Variants in HSPG2 observed in about 807,000 individuals in gnomAD.
HSPG2 encodes the protein heparan sulfate proteoglycan 2.
A neutral mutation model predicts 526.6 loss-of-function variants in HSPG2; 278 were observed. The observed-to-expected ratio is 0.53, with a 90% CI of 0.48 to 0.58. The LOEUF (loss-of-function observed/expected upper bound fraction) is 0.58. HSPG2 is among the 20% of genes least tolerant of loss of function. The pLI is 0.00. For synonymous variants in HSPG2, 2,465 were observed against 2,555.4 expected, an observed-to-expected ratio of 0.96 and a Z score of 1.07; for missense variants, 5,354 against 6,099.5, an observed-to-expected ratio of 0.88 and a Z score of 4.07.
rs1394457705 is a variant in HSPG2 at position 21,912,978 on chromosome 1, T to TA, written c.64-16669_64-16668insT. On this transcript the variant is annotated intron_variant, in intron 1 of 96. Transcript: ENST00000374695. The stretch of plus-strand genomic sequence containing the variant: ...CTGGGCGAAAGAGTGAGGCTCTAGC[T>TA]CAAAAAAAAAAAAAAAGCTGGATTA... Among the ~76,000 whole-genome samples the TA allele has an allele frequency of 1.4e-3, 199 of 142,438 alleles. 3 individuals are homozygous for TA. The highest frequency in any genetic ancestry group is 4.8e-3 in the African/African-American group (182 of 38,198). The allele number at this position is 142,438 out of a possible 152,430, so 93.4% of individuals were successfully genotyped here. A position where few individuals can be genotyped will look rare whatever the true frequency, so the allele number is the denominator to read the frequency against.
At chr1:21,922,152 T>C (rs1204081283) in intron 1 of HSPG2, among the ~76,000 whole-genome samples, 1 of 152,228 alleles carries the variant, frequency 6.6e-6, no homozygotes, top group Non-Finnish European at 1.5e-5. Flanking sequence ...AGCTGTAGGC[T>C]ATTTATATGA....
rs2098054760 is a variant in HSPG2 at position 21,842,807 on chromosome 1, C to A, written c.8873G>T (p.Trp2958Leu). Residue 2958 changes from tryptophan (W) to leucine (L), a missense_variant, in exon 67 of 97, where the codon TGG (tryptophan) becomes TTG (leucine). Transcript: ENST00000374695. ...GGGGAGGCTGCCCCCGCGCTTGTAC[C>A]ACGTGACCTGGGCATGGGCCTGCCC... ...VPGQAHAQVT[W>L]YKRGGSLPAR... The A allele has an allele frequency of 3.1e-6, 5 of 1,613,832 alleles. No individual in the cohort carries two copies. The highest frequency in any genetic ancestry group is 4.2e-6 in the Non-Finnish European group (5 of 1,180,032).
chr1:21,822,274 A>C lies in HSPG2; in HGVS notation c.*1042T>G. The C allele has an allele frequency of 6.4e-7, 1 of 1,568,570 alleles. No individual in the cohort carries two copies. The highest frequency in any genetic ancestry group is 2.2e-5 in the East Asian group (1 of 44,628). Reference sequence around the variant, plus strand: ...GGGATAGCACCGTTTATTAAGAAAAATCAAGACAAAGACCACAGGAGGGTC... The same window carrying C: ...GGGATAGCACCGTTTATTAAGAAAACTCAAGACAAAGACCACAGGAGGGTC... On this transcript the variant is annotated 3_prime_UTR_variant, in exon 97 of 97. Coordinates refer to ENST00000374695, the MANE Select transcript of HSPG2 (RefSeq NM_005529.7).
chr1:21,856,977 G>A (rs1223984754), intron 44 of HSPG2, 38 bp downstream of exon 44: 2 of 1,596,250 alleles, frequency 1.3e-6, no homozygotes, highest in East Asian at 2.2e-5. Context: ...ATGGGGGAGA[G>A]ACAGGAGGGG....
intron 1 of HSPG2, chr1:21,908,589 T>C: frequency 3.5e-6 from 2 of 568,436 alleles, no homozygotes; most frequent in Admixed American, 3.2e-5. Flanking sequence ...AATAGGTATT[T>C]AAAAAAAAAA....
At chr1:21,851,481 C>A in intron 55 of HSPG2, 65 bp downstream of exon 55, 1 of 1,610,068 alleles carries the variant, frequency 6.2e-7, no homozygotes, top group Non-Finnish European at 8.5e-7. Context: ...AGCCCTCCCC[C>A]AATAACCTCC....
intron 3 of HSPG2, among the ~76,000 whole-genome samples, chr1:21,891,013 T>C (rs990532074): frequency 6.6e-6 from 1 of 152,078 alleles, no homozygotes; most frequent in Non-Finnish European, 1.5e-5. Context: ...CCAGAGGGAG[T>C]TGGCCTGGCA....
chr1:21,887,131 G>T lies in HSPG2; in HGVS notation c.1078+84C>A. The T allele has an allele frequency of 1.4e-6, 2 of 1,429,942 alleles. No homozygotes were observed. Among genetic ancestry groups the T allele is most frequent in the South Asian group, 1.2e-5 (1 of 82,546 alleles). The allele number at this position is 1,429,942 out of a possible 1,614,324, so 88.6% of individuals were successfully genotyped here. A position where few individuals can be genotyped will look rare whatever the true frequency, so the allele number is the denominator to read the frequency against. On this transcript the variant is annotated intron_variant, in intron 9 of 96. Coordinates refer to ENST00000374695, the MANE Select transcript of HSPG2 (RefSeq NM_005529.7). The surrounding 1 kb of genome is among the most constrained non-coding windows in gnomAD (Gnocchi z 5.0). The stretch of plus-strand genomic sequence containing the variant: ...GGGGGAAAGCGGAGGGGCAGGGTAG[G>T]GGCGGGGCAGGAGTGGAAGGCGGGG...
chr1:21,927,270 A>G (rs899487619), intron 1 of HSPG2, among the ~76,000 whole-genome samples: 19 of 144,844 alleles, frequency 1.3e-4, no homozygotes, highest in African/African-American at 5.5e-4. Context: ...CCTGATGGGG[A>G]GGGGGGACAC....
At chr1:21,926,097 T>C (rs918213958) in intron 1 of HSPG2, among the ~76,000 whole-genome samples, 1 of 152,158 alleles carries the variant, frequency 6.6e-6, no homozygotes, top group African/African-American at 2.4e-5. Context: ...CCCAAAGTGC[T>C]GGGATTACAA....
intron 55 of HSPG2, 193 bp downstream of exon 55, chr1:21,851,353 T>TA: frequency 2.8e-6 from 2 of 709,290 alleles, no homozygotes; most frequent in Admixed American, 5.1e-5. Flanking sequence ...GGTCACAAGC[T>TA]AAGTGGTGGA....
Position 21,852,797 on chromosome 1 carries a change from G to C in HSPG2, c.6627C>G (p.Thr2209=). 1 of 1,612,934 alleles carries C rather than the reference G, an allele frequency of 6.2e-7. No individual in the cohort carries two copies. The highest frequency in any genetic ancestry group is 1.7e-5 in the Admixed American group (1 of 60,024). Residue 2209 remains threonine (T), a synonymous_variant, in exon 52 of 97, where the codon ACC becomes ACG. Coordinates refer to ENST00000374695, the MANE Select transcript of HSPG2 (RefSeq NM_005529.7). ...ACACATACTCGCCTGAGTCGGCCGG[G>C]GTCACCTGGTGCAGCCGCAGCAGCG... The part of the protein sequence containing the change: ...HGSLLRLHQV[T]PADSGEYVCH...
At chr1:21,850,292 T>C (rs1572219873) in intron 56 of HSPG2, 71 bp downstream of exon 56, 2 of 1,607,730 alleles carry the variant, frequency 1.2e-6, no homozygotes. Context: ...GGCCTCCTGA[T>C]CCTGCCGTTG....
chr1:21,930,344 C>A (rs1343746995), intron 1 of HSPG2, among the ~76,000 whole-genome samples: 2 of 152,230 alleles, frequency 1.3e-5, no homozygotes, highest in Admixed American at 1.3e-4. Context: ...CTGCCCTCTT[C>A]CCTGTTTTAT....
chr1:21,919,049 G>A lies in HSPG2; in HGVS notation c.63+18106C>T, dbSNP rs183211057. Among the ~76,000 whole-genome samples the A allele has an allele frequency of 3.7e-4, 57 of 152,336 alleles. 2 individuals carry two copies. In the East Asian group the frequency reaches 9.1e-3, roughly 24 times the overall value. On this transcript the variant is annotated intron_variant, in intron 1 of 96. Coordinates refer to ENST00000374695, the MANE Select transcript of HSPG2 (RefSeq NM_005529.7). ...CTGCCCCCATCTTTCCCCAAAGGCA[G>A]GCAGCATGGAATGACTTTGGGGAAA... is the stretch of plus-strand genomic sequence containing the variant.
intron 25 of HSPG2, 97 bp downstream of exon 25, chr1:21,875,532 G>A (rs776985440): frequency 1.3e-5 from 12 of 907,702 alleles, no homozygotes; most frequent in Non-Finnish European, 2.2e-5. Flanking sequence ...AGGCACAAAA[G>A]GGTCACACAG....
At position 21,876,408 on chromosome 1, in the gene HSPG2, GGGA is replaced by G. The variant is rs754312709; in HGVS notation, c.2827-6_2827-4del. The G allele has an allele frequency of 3.7e-6, 6 of 1,610,126 alleles. No homozygotes were observed. In the African/African-American group the frequency reaches 8.0e-5, roughly 22 times the overall value. Reference sequence around the variant, plus strand: ...GGCTCCTCAGAGGCCCCATGCAACTGGGAGGAGGAGAAAGGGCTGGGATGGGGG... The same window carrying G: ...GGCTCCTCAGAGGCCCCATGCAACTGGGAGGAGAAAGGGCTGGGATGGGGG... On this transcript the variant is annotated splice_polypyrimidine_tract_variant and splice_region_variant and intron_variant, in intron 22 of 96. Coordinates refer to ENST00000374695, the MANE Select transcript of HSPG2 (RefSeq NM_005529.7).
intron 1 of HSPG2, among the ~76,000 whole-genome samples, chr1:21,926,739 G>C (rs922477680): frequency 7.3e-6 from 1 of 137,412 alleles, no homozygotes; most frequent in African/African-American, 2.8e-5. Flanking sequence ...TTCAGGCTGG[G>C]AGACAGAGTG....
intron 85 of HSPG2, 61 bp downstream of exon 85, chr1:21,830,921 G>A (rs2098000995): frequency 1.8e-6 from 2 of 1,113,384 alleles, no homozygotes; most frequent in East Asian, 2.6e-5. Flanking sequence ...TGGATATGGG[G>A]AGGCAGCAAA....
Sources: gnomAD v4.1 joint callset for allele counts (sites outside exome capture counted in the v4.1 genomes callset) on GRCh38, gnomAD v4.1.1 for gene constraint, Gnocchi (gnomAD v3.1) non-coding constraint, MANE v1.5 for transcripts, NCBI Gene and HGNC (gene_info 2026-07-23, HGNC 2026-07-21) for gene names.